LINGO2: variants seen among roughly 807,000 people sequenced by gnomAD.
LINGO2 encodes the protein leucine rich repeat and Ig domain containing 2, also known as leucine-rich repeat and immunoglobulin-like domain-containing nogo receptor-interacting protein 2.
In LINGO2, 14 loss-of-function variants were observed where a neutral mutation model predicts 30.6. That is an observed-to-expected ratio of 0.46 (90% confidence interval 0.30 to 0.72). The LOEUF is 0.72. Among genes scored for constraint, LINGO2 ranks in the 30% least tolerant of loss-of-function variants. LINGO2 has a pLI of 0.07. For missense variants in LINGO2, 729 were observed against 751.7 expected, an observed-to-expected ratio of 0.97 and a Z score of 0.35; for synonymous variants, 317 against 288.5, an observed-to-expected ratio of 1.10 and a Z score of -1.00.
At chr9:28,919,751 A>AAC in the LINGO2 span, among the ~76,000 whole-genome samples, 136,232 of 152,068 alleles carry the variant, frequency 0.9, 61,306 homozygotes, top group Non-Finnish European at 0.94. Flanking sequence ...AACTGGTATA[A>AAC]ACATTATAGA....
intron 4 of LINGO2, among the ~76,000 whole-genome samples, chr9:28,144,926 G>C (rs1827771891): frequency 6.6e-6 from 1 of 152,162 alleles, no homozygotes; most frequent in Non-Finnish European, 1.5e-5. Context: ...TAGTCTAGTG[G>C]GGTGGATATT....
At chr9:28,542,190 G>A (rs1587828853) in intron 1 of LINGO2, among the ~76,000 whole-genome samples, 1 of 152,048 alleles carries the variant, frequency 6.6e-6, no homozygotes, top group African/African-American at 2.4e-5. Context: ...GATGGAAATG[G>A]CCATACCTTT....
intron 4 of LINGO2, among the ~76,000 whole-genome samples, chr9:28,281,435 G>C (rs1223900697): frequency 6.6e-6 from 1 of 150,690 alleles, no homozygotes; most frequent in African/African-American, 2.4e-5. Flanking sequence ...AAATTCATAT[G>C]CATATTCATT....
chr9:28,364,159 T>C (rs1024384146), intron 3 of LINGO2, among the ~76,000 whole-genome samples: 1 of 152,196 alleles, frequency 6.6e-6, no homozygotes, highest in Non-Finnish European at 1.5e-5. Flanking sequence ...TTATAGAATA[T>C]ATAGTCCTTC....
chr9:28,207,999 T>A (rs1354064544), intron 4 of LINGO2, among the ~76,000 whole-genome samples: 1 of 152,066 alleles, frequency 6.6e-6, no homozygotes, highest in Non-Finnish European at 1.5e-5. Flanking sequence ...CTTATGTGAA[T>A]ATTACCAATG....
the LINGO2 span, among the ~76,000 whole-genome samples, chr9:28,744,642 T>TGTGTGTGTGTGTGTGTGTG: frequency 2.0e-5 from 2 of 97,952 alleles, no homozygotes; most frequent in Non-Finnish European, 4.4e-5. Flanking sequence ...GTGTGTGTAT[T>TGTGTGTGTGTGTGTGTGTG]TTTTTTTTTT....
chr9:27,979,770 T>G (rs906509988), intron 5 of LINGO2, among the ~76,000 whole-genome samples: 1 of 151,984 alleles, frequency 6.6e-6, no homozygotes, highest in Non-Finnish European at 1.5e-5. Flanking sequence ...AGGAAAGACT[T>G]CTTATTACTA....
the LINGO2 span, among the ~76,000 whole-genome samples, chr9:28,989,234 G>T: frequency 6.6e-6 from 1 of 152,158 alleles, no homozygotes; most frequent in Non-Finnish European, 1.5e-5. Flanking sequence ...ACAATGAAAT[G>T]AATGTTGTTT....
At chr9:28,580,081 G>T (rs1824183403) in intron 1 of LINGO2, among the ~76,000 whole-genome samples, 1 of 152,084 alleles carries the variant, frequency 6.6e-6, no homozygotes. Context: ...AAGCAGTGCA[G>T]AATGTGTGTA....
At position 28,300,519 on chromosome 9, in the gene LINGO2, C is replaced by T. The variant is rs1824101784; in HGVS notation, c.-245-5153G>A. Among the ~76,000 whole-genome samples, 3 of 152,210 alleles carry T rather than the reference C, an allele frequency of 2.0e-5. No homozygotes were observed. In the South Asian group the frequency reaches 6.2e-4, roughly 32 times the overall value. The stretch of plus-strand genomic sequence containing the variant: ...GGCCACATTCTTGTTTTCATTTTCT[C>T]AAAATGAGGCATCCATTTGTCACAT... On this transcript the variant is annotated intron_variant, in intron 3 of 5. Coordinates refer to ENST00000379992, the Ensembl canonical transcript of LINGO2.
chr9:28,310,566 C>T (rs555116437), intron 3 of LINGO2, among the ~76,000 whole-genome samples: 6 of 152,030 alleles, frequency 3.9e-5, no homozygotes, highest in African/African-American at 7.2e-5. Context: ...CGCCTGAGGA[C>T]GCAGAGAGGA....
intron 1 of LINGO2, among the ~76,000 whole-genome samples, chr9:28,591,258 T>C (rs989764124): frequency 3.9e-5 from 6 of 152,042 alleles, no homozygotes; most frequent in Middle Eastern, 3.4e-3. Flanking sequence ...TGTATACATA[T>C]GTAACAAACC....
At chr9:27,950,672 G>C (rs1469276490) in exon 6 of LINGO2, 19 of 1,504,524 alleles carry the variant, frequency 1.3e-5, no homozygotes, top group South Asian at 6.9e-5. Context: ...TGTGAAGCAT[G>C]ACTCCACTTC....
chr9:28,346,984 T>C (rs1485668588), intron 3 of LINGO2, among the ~76,000 whole-genome samples: 1 of 152,164 alleles, frequency 6.6e-6, no homozygotes, highest in Non-Finnish European at 1.5e-5. Flanking sequence ...AGGTTGTCTG[T>C]TTACTCTGTT....
chr9:28,682,307 T>G, the LINGO2 span, among the ~76,000 whole-genome samples: 1 of 152,166 alleles, frequency 6.6e-6, no homozygotes, highest in African/African-American at 2.4e-5. Context: ...CAGTGGTCTT[T>G]CCTGAACCTG....
At chr9:29,146,378 A>C in the LINGO2 span, among the ~76,000 whole-genome samples, 20,007 of 141,100 alleles carry the variant, frequency 0.14, 1,535 homozygotes, top group South Asian at 0.18. Context: ...AACAAACAAA[A>C]AAAAACCAGC....
the LINGO2 span, among the ~76,000 whole-genome samples, chr9:28,869,061 T>G: frequency 6.6e-6 from 1 of 152,144 alleles, no homozygotes; most frequent in Non-Finnish European, 1.5e-5. Context: ...TAAATACATA[T>G]TTATCACTGC....
the LINGO2 span, among the ~76,000 whole-genome samples, chr9:28,976,867 A>C: frequency 6.6e-6 from 1 of 152,150 alleles, no homozygotes; most frequent in Admixed American, 6.6e-5. Context: ...AGTTCTCATT[A>C]ACTCAGAATA....
chr9:28,034,395 G>T (rs1333564862), intron 4 of LINGO2, among the ~76,000 whole-genome samples: 1 of 152,148 alleles, frequency 6.6e-6, no homozygotes, highest in Non-Finnish European at 1.5e-5. Context: ...TTGCTAGGGA[G>T]CATTTTCTGA....
Sources: allele counts gnomAD v4.1 joint callset (sites outside exome capture counted in the v4.1 genomes callset), GRCh38; gene constraint gnomAD v4.1.1; transcripts MANE v1.5; gene names NCBI Gene and HGNC (gene_info 2026-07-23, HGNC 2026-07-21).